The following C1GALT1 variants were observed in gnomAD, a reference collection of about 807,000 sequenced individuals.
The protein encoded by C1GALT1 is core 1 synthase, glycoprotein-N-acetylgalactosamine 3-beta-galactosyltransferase 1.
A neutral mutation model predicts 31.0 loss-of-function variants in C1GALT1; 11 were observed. The ratio of observed to expected loss-of-function variants is 0.36; its 90% CI spans 0.22 to 0.59. C1GALT1 has a LOEUF of 0.59. C1GALT1 is among the 20% of genes least tolerant of loss of function. C1GALT1 has a pLI of 0.79. For missense variants in C1GALT1, 424 were observed against 425.2 expected (o/e 1.00, Z 0.03); for synonymous variants, 175 against 143.6 (o/e 1.22, Z -1.56).
At chr7:7,206,255 G>T (rs1781734517) in intron 1 of C1GALT1, among the ~76,000 whole-genome samples, 2 of 151,832 alleles carry the variant, frequency 1.3e-5, no homozygotes, top group South Asian at 2.1e-4. Flanking sequence ...AATAATACTA[G>T]AATTTATAAT....
chr7:7,183,131 C>T (rs1413653942), intron 1 of C1GALT1, among the ~76,000 whole-genome samples: 23 of 152,204 alleles, frequency 1.5e-4, no homozygotes, highest in Admixed American at 1.4e-3. Flanking sequence ...CCCTCTTCTG[C>T]TCGCGCGCTG....
At chr7:7,163,708 C>A (rs1444065526) in intron 2 of C1GALT1, among the ~76,000 whole-genome samples, 1 of 152,186 alleles carries the variant, frequency 6.6e-6, no homozygotes, top group African/African-American at 2.4e-5. Flanking sequence ...AGTGAACTCT[C>A]ATTCACAATT....
chr7:7,193,447 C>G (rs978248203), intron 1 of C1GALT1, among the ~76,000 whole-genome samples: 2 of 152,072 alleles, frequency 1.3e-5, no homozygotes, highest in African/African-American at 4.8e-5. Flanking sequence ...TTTGCTTTGT[C>G]AAAGATCAGT....
At chr7:7,191,369 G>A (rs913300523) in intron 1 of C1GALT1, among the ~76,000 whole-genome samples, 1 of 151,964 alleles carries the variant, frequency 6.6e-6, no homozygotes, top group African/African-American at 2.4e-5. Context: ...AATACATTTT[G>A]CTTGTTCATT....
chr7:7,197,599 G>T (rs1781350784), intron 1 of C1GALT1, among the ~76,000 whole-genome samples: 1 of 152,134 alleles, frequency 6.6e-6, no homozygotes, highest in Non-Finnish European at 1.5e-5. Flanking sequence ...GTAGCTTGAT[G>T]GGGATGGCAT....
At chr7:7,164,927 A>T (rs1025366599) in intron 2 of C1GALT1, among the ~76,000 whole-genome samples, 5 of 152,174 alleles carry the variant, frequency 3.3e-5, no homozygotes, top group Admixed American at 2.6e-4. Flanking sequence ...CTTTGATTGC[A>T]TGTAAATATT....
At chr7:7,194,076 T>C (rs972440084) in intron 1 of C1GALT1, among the ~76,000 whole-genome samples, 10 of 152,062 alleles carry the variant, frequency 6.6e-5, no homozygotes, top group African/African-American at 1.9e-4. Flanking sequence ...GCTTTTTGGA[T>C]GAATCTTTAG....
chr7:7,229,673 C>T (rs1349754167), intron 1 of C1GALT1, among the ~76,000 whole-genome samples: 2 of 152,124 alleles, frequency 1.3e-5, no homozygotes, highest in African/African-American at 2.4e-5. Flanking sequence ...AATTTCAGAA[C>T]AATCACTTAA....
At chr7:7,220,523 ATTC>A (rs1210820432) in intron 1 of C1GALT1, among the ~76,000 whole-genome samples, 1 of 146,080 alleles carries the variant, frequency 6.8e-6, no homozygotes, top group African/African-American at 2.4e-5. Context: ...AAGTATCTTT[ATTC>A]TTTTTTTTTT....
At chr7:7,187,375 C>T (rs1165281739) in intron 1 of C1GALT1, among the ~76,000 whole-genome samples, 1 of 151,784 alleles carries the variant, frequency 6.6e-6, no homozygotes, top group Non-Finnish European at 1.5e-5. Flanking sequence ...TCAGCCTCCC[C>T]AGTAGCTGGG....
Position 7,245,008 on chromosome 7 carries a change from C to A in C1GALT1, c.*1281C>A, listed in dbSNP as rs528707794. The A allele has an allele frequency of 1.3e-5, 2 of 152,278 alleles. No individual in the cohort carries two copies. The highest frequency in any genetic ancestry group is 3.9e-4 in the East Asian group (2 of 5,180). 9.4% of individuals were successfully genotyped at this position (152,278 alleles called of 1,614,324 possible). A position where few individuals can be genotyped will look rare whatever the true frequency, so the allele number is the denominator to read the frequency against. ...TCATCAAAAACATTCACAAATGTTT[C>A]ATTCTATTTTTAGTGACTCTGTTTA... On this transcript the variant is annotated 3_prime_UTR_variant, in exon 4 of 4. Coordinates refer to ENST00000436587, the MANE Select transcript of C1GALT1 (RefSeq NM_020156.5).
At chr7:7,213,078 G>T (rs979579969) in intron 1 of C1GALT1, among the ~76,000 whole-genome samples, 1 of 152,166 alleles carries the variant, frequency 6.6e-6, no homozygotes, top group African/African-American at 2.4e-5. Context: ...CTTTTTGAGT[G>T]CAGTCCACTT....
intron 2 of C1GALT1, among the ~76,000 whole-genome samples, chr7:7,157,645 T>C (rs1256814487): frequency 6.6e-6 from 1 of 152,222 alleles, no homozygotes; most frequent in African/African-American, 2.4e-5. Context: ...ATAGTTTCTG[T>C]TCAACTTAGT....
At chr7:7,209,526 A>G (rs1781896677) in intron 1 of C1GALT1, 1 of 152,256 alleles carries the variant, frequency 6.6e-6, no homozygotes, top group African/African-American at 2.4e-5. Context: ...CAGGAGCATG[A>G]TGCAGAAAGA....
chr7:7,182,887 C>T (rs951389882), intron 1 of C1GALT1, 67 bp downstream of exon 1: 3 of 975,380 alleles, frequency 3.1e-6, no homozygotes, highest in African/African-American at 3.5e-5. Flanking sequence ...CCTCCCCCCT[C>T]TCCGGGTTGG....
intron 1 of C1GALT1, among the ~76,000 whole-genome samples, chr7:7,201,890 T>C (rs1188168283): frequency 6.6e-6 from 1 of 152,336 alleles, no homozygotes; most frequent in Non-Finnish European, 1.5e-5. Context: ...TTTGAAACTG[T>C]TACACAGTTC....
chr7:7,192,978 C>G (rs914991693), intron 1 of C1GALT1, among the ~76,000 whole-genome samples: 1 of 151,976 alleles, frequency 6.6e-6, no homozygotes, highest in Non-Finnish European at 1.5e-5. Context: ...TATTCATGTC[C>G]TTAGCCCACT....
intron 2 of C1GALT1, among the ~76,000 whole-genome samples, chr7:7,173,290 G>A (rs1469086193): frequency 6.6e-6 from 1 of 151,834 alleles, no homozygotes; most frequent in Non-Finnish European, 1.5e-5. Flanking sequence ...CATGTGATGT[G>A]CTTGCTCTCC....
At chr7:7,216,532 CT>C (rs34835739) in intron 1 of C1GALT1, among the ~76,000 whole-genome samples, 105,647 of 151,974 alleles carry the variant, frequency 0.7, 37,573 homozygotes, top group East Asian at 0.94. Context: ...AGGCTGTCAC[CT>C]TTCGGGCAAG....
Sources: gnomAD v4.1 joint callset for allele counts (sites outside exome capture counted in the v4.1 genomes callset) on GRCh38, gnomAD v4.1.1 for gene constraint, MANE v1.5 for transcripts, NCBI Gene and HGNC (gene_info 2026-07-23, HGNC 2026-07-21) for gene names.